Variants in RASEF observed in about 807,000 individuals in gnomAD.
RASEF encodes the protein ras and EF-hand domain-containing protein.
In RASEF, 68 loss-of-function variants were observed where a neutral mutation model predicts 90.1. The ratio of observed to expected loss-of-function variants is 0.75; its 90% confidence interval spans 0.62 to 0.92. The LOEUF is 0.92. Among genes scored for constraint, RASEF ranks in the 40% least tolerant of loss-of-function variants. RASEF has a pLI of 0.00. For missense variants in RASEF, 949 were observed against 937.2 expected (o/e 1.01, Z -0.16); for synonymous variants, 331 against 345.2 (o/e 0.96, Z 0.46).
chr9:83,062,618 C>A lies in RASEF; in HGVS notation c.250G>T (p.Gly84Cys), dbSNP rs1203468277. The A allele has an allele frequency of 6.4e-7, 1 of 1,557,420 alleles. No individual in the cohort carries two copies. Among genetic ancestry groups the A allele is most frequent in the African/African-American group, 1.4e-5 (1 of 73,616 alleles). The change falls in exon 1 of 17, where the codon GGT becomes TGT. Residue 84 changes from glycine to cysteine, a missense_variant. Physicochemically the swap from Gly to Cys is radical, Grantham distance 159 (BLOSUM62 -3). This residue lies in a region of RASEF where 656 missense variants were observed against 592.2 expected (regional missense o/e 1.11). Transcript: ENST00000376447. ...ACGGCGGGCGCGGGATCCAGAGGAC[C>A]CCAGTCCCGGCGCCGCCCCCCGCGG... ...SLRGGRRRDWGPLDPAPAVSE... is the reference protein window; with the variant it reads ...SLRGGRRRDWCPLDPAPAVSE...
intron 15 of RASEF, among the ~76,000 whole-genome samples, chr9:82,992,445 A>T (rs1254675410): frequency 6.6e-6 from 1 of 152,216 alleles, no homozygotes; most frequent in Non-Finnish European, 1.5e-5. Context: ...ACTAAACACA[A>T]ATCTTAGAGA....
the RASEF span, among the ~76,000 whole-genome samples, chr9:83,207,278 C>T: frequency 6.6e-6 from 1 of 152,182 alleles, no homozygotes; most frequent in Non-Finnish European, 1.5e-5. Context: ...GTGAAAAAGT[C>T]ACTGGAAGTG....
intron 12 of RASEF, among the ~76,000 whole-genome samples, chr9:82,999,623 T>G (rs1023168974): frequency 2.1e-4 from 32 of 151,132 alleles, no homozygotes; most frequent in Non-Finnish European, 5.9e-5. Flanking sequence ...TTTTTTTTTG[T>G]GGCAGGGTCT....
In RASEF at chr9:82,982,405, T is replaced by G. The variant is rs1369940932; in HGVS notation, c.*272A>C. The G allele has an allele frequency of 4.4e-6, 1 of 229,486 alleles. No individual in the cohort carries two copies. The highest frequency in any genetic ancestry group is 9.2e-5 in the East Asian group (1 of 10,922). The allele number at this position is 229,486 out of a possible 1,614,324, so 14.2% of individuals were successfully genotyped here. On this transcript the variant is annotated 3_prime_UTR_variant, in exon 17 of 17. Transcript: ENST00000376447. ...ATGTGATTTCTTTTCTTTTCTTTTT[T>G]TTTACCATTTTAAAAACATTTACAT...
chr9:83,116,827 A>G, the RASEF span, among the ~76,000 whole-genome samples: 5 of 152,218 alleles, frequency 3.3e-5, no homozygotes, highest in Non-Finnish European at 5.9e-5. Flanking sequence ...CATAATAGGT[A>G]AAGAATAGGC....
the RASEF span, among the ~76,000 whole-genome samples, chr9:83,207,500 C>T: frequency 6.6e-6 from 1 of 151,954 alleles, no homozygotes; most frequent in Non-Finnish European, 1.5e-5. Context: ...TCCAGGGGGC[C>T]CTCTAACATA....
At chr9:83,144,166 A>T in the RASEF span, among the ~76,000 whole-genome samples, 1 of 151,658 alleles carries the variant, frequency 6.6e-6, no homozygotes, top group East Asian at 1.9e-4. Flanking sequence ...GAGAAAGGGG[A>T]GTAAGGATGG....
chr9:83,101,285 T>C, the RASEF span, among the ~76,000 whole-genome samples: 51 of 152,202 alleles, frequency 3.4e-4, no homozygotes, highest in Non-Finnish European at 6.3e-4. Flanking sequence ...TCCAGGTTCC[T>C]GACTAGGCAG....
chr9:83,049,232 T>C (rs982959798), intron 1 of RASEF: 8 of 793,808 alleles, frequency 1.0e-5, no homozygotes, highest in African/African-American at 1.9e-5. Flanking sequence ...TAAACTTCCT[T>C]GTACCAACAG....
At chr9:83,030,151 G>T (rs1265767110) in intron 1 of RASEF, among the ~76,000 whole-genome samples, 1 of 152,180 alleles carries the variant, frequency 6.6e-6, no homozygotes, top group Non-Finnish European at 1.5e-5. Flanking sequence ...GAGGTCAGGA[G>T]TTCGAGACCA....
At chr9:83,143,002 C>A in the RASEF span, among the ~76,000 whole-genome samples, 2 of 152,126 alleles carry the variant, frequency 1.3e-5, no homozygotes, top group African/African-American at 4.8e-5. Context: ...TCTAGCTGGT[C>A]AGTATCTTTA....
the RASEF span, among the ~76,000 whole-genome samples, chr9:83,163,306 T>G: frequency 6.6e-6 from 1 of 152,314 alleles, no homozygotes; most frequent in African/African-American, 2.4e-5. Flanking sequence ...GTAGTTCCTT[T>G]TACCCAGTAA....
At chr9:83,016,517 AT>A (rs1008983960) in intron 3 of RASEF, among the ~76,000 whole-genome samples, 96 of 152,068 alleles carry the variant, frequency 6.3e-4, no homozygotes, top group South Asian at 2.1e-4. Flanking sequence ...AAATGATACA[AT>A]TTTATATTTT....
chr9:83,079,509 C>T, the RASEF span, among the ~76,000 whole-genome samples: 1 of 152,106 alleles, frequency 6.6e-6, no homozygotes, highest in African/African-American at 2.4e-5. Flanking sequence ...AAGAACTCAC[C>T]CACTATCAAG....
the RASEF span, among the ~76,000 whole-genome samples, chr9:83,146,413 A>G: frequency 6.6e-6 from 1 of 152,162 alleles, no homozygotes; most frequent in Non-Finnish European, 1.5e-5. Flanking sequence ...ACATACACAC[A>G]TATGTCCCTT....
At chr9:83,213,106 A>AAG in the RASEF span, among the ~76,000 whole-genome samples, 3 of 151,598 alleles carry the variant, frequency 2.0e-5, no homozygotes, top group African/African-American at 7.3e-5. Flanking sequence ...AAAAAAAAAA[A>AAG]AGAAAGAAAA....
At chr9:83,164,613 GA>G in the RASEF span, among the ~76,000 whole-genome samples, 349 of 135,126 alleles carry the variant, frequency 2.6e-3, 1 homozygote, top group Middle Eastern at 3.9e-3. Flanking sequence ...AACCACCAAG[GA>G]AAAAAAAAAA....
the RASEF span, among the ~76,000 whole-genome samples, chr9:83,074,394 C>T: frequency 7.2e-5 from 11 of 151,816 alleles, no homozygotes; most frequent in Admixed American, 7.2e-4. Flanking sequence ...TAGAATTTGT[C>T]ACCTGTCTGT....
At chr9:83,098,803 C>T in the RASEF span, among the ~76,000 whole-genome samples, 3 of 152,042 alleles carry the variant, frequency 2.0e-5, no homozygotes, top group Admixed American at 6.6e-5. Flanking sequence ...TATTTGCTAC[C>T]GTGAAAACAG....
Sources: gnomAD v4.1 joint callset for allele counts (sites outside exome capture counted in the v4.1 genomes callset) on GRCh38, gnomAD v4.1.1 for gene constraint, gnomAD v4.1.1 regional missense constraint, MANE v1.5 for transcripts, NCBI Gene and HGNC (gene_info 2026-07-23, HGNC 2026-07-21) for gene names.